Variants in EBF3 observed in about 807,000 individuals in gnomAD.
The protein encoded by EBF3 is EBF transcription factor 3.
In EBF3, 18 loss-of-function variants were observed where a neutral mutation model predicts 77.1. That is an observed-to-expected ratio of 0.23 (90% CI 0.16 to 0.35). EBF3 has a LOEUF of 0.35. Among genes scored for constraint, EBF3 ranks in the 10% least tolerant of loss-of-function variants. The pLI is 1.00. For synonymous variants in EBF3, 350 were observed against 343.5 expected, an observed-to-expected ratio of 1.02 and a Z score of -0.21; for missense variants, 558 against 860.0, an observed-to-expected ratio of 0.65 and a Z score of 4.39.
At chr10:129,850,056 G>A (rs1850753517) in intron 10 of EBF3, among the ~76,000 whole-genome samples, 1 of 152,266 alleles carries the variant, frequency 6.6e-6, no homozygotes, top group Admixed American at 6.5e-5. Context: ...CAGTCGCCCA[G>A]CCTCACCAAG....
rs565981392 is a variant in EBF3 at position 129,954,079 on chromosome 10, T to C, written c.554+3179A>G. 1.2e-4 allele frequency among the ~76,000 whole-genome samples: 18 copies of C among 152,300 alleles called. No individual in the cohort carries two copies. In the South Asian group the frequency reaches 3.7e-3, roughly 32 times the overall value. Reference sequence around the variant, plus strand: ...TTTTCAGCAATACCATTAAAAATCATTTGTGTGTGTATGTACAGAAGGTGT... The same window carrying C: ...TTTTCAGCAATACCATTAAAAATCACTTGTGTGTGTATGTACAGAAGGTGT... On this transcript the variant is annotated intron_variant, in intron 6 of 16. Transcript: ENST00000440978.
intron 6 of EBF3, among the ~76,000 whole-genome samples, chr10:129,950,006 T>TGGAGGGAGGAGGGAGGAGGGA (rs1038964722): frequency 8.5e-5 from 2 of 23,640 alleles, no homozygotes; most frequent in Non-Finnish European, 1.7e-4. Flanking sequence ...GGGTGGAGGG[T>TGGAGGGAGGAGGGAGGAGGGA]GGAGGGAGGA....
chr10:129,883,434 G>A (rs1853346901), intron 6 of EBF3, among the ~76,000 whole-genome samples: 1 of 152,166 alleles, frequency 6.6e-6, no homozygotes. Flanking sequence ...AAAAATGTTG[G>A]TATCTTTTAT....
At position 129,841,986 on chromosome 10, in the gene EBF3, G is replaced by T; in HGVS notation, c.1372+130C>A. ...AAGGTCTTCCTGAGCAAAGGAACCA[G>T]CAGAGCCAGAGAGAACAGAACGCTA... On this transcript the variant is annotated intron_variant, in intron 13 of 16. Transcript: ENST00000440978. The surrounding 1 kb of genome is among the most constrained non-coding windows in gnomAD (Gnocchi z 4.6). The T allele has an allele frequency of 2.5e-6, 3 of 1,214,960 alleles. No homozygotes were observed. Among genetic ancestry groups the T allele is most frequent in the Non-Finnish European group, 1.1e-6 (1 of 876,808 alleles). The allele number at this position is 1,214,960 out of a possible 1,614,324, so 75.3% of individuals were successfully genotyped here.
chr10:129,941,555 C>T lies in EBF3; in HGVS notation c.554+15703G>A, dbSNP rs534297636. Among the ~76,000 whole-genome samples, 227 of 151,994 alleles carry T rather than the reference C, an allele frequency of 1.5e-3. 1 individual carries two copies. Among genetic ancestry groups the T allele is most frequent in the Non-Finnish European group, 2.8e-3 (187 of 67,926 alleles). ...AGAGAGGAGACTCGGCCACAGACTC[C>T]GGGCAGGCCAAAGGGTCAGGGGGGA... On this transcript the variant is annotated intron_variant, in intron 6 of 16. Transcript: ENST00000440978.
chr10:129,935,276 A>T lies in EBF3; in HGVS notation c.554+21982T>A, dbSNP rs1027282700. 6.6e-6 allele frequency among the ~76,000 whole-genome samples: 1 copy of T among 152,062 alleles called. No homozygotes were observed. The highest frequency in any genetic ancestry group is 1.5e-5 in the Non-Finnish European group (1 of 67,990). Reference sequence around the variant, plus strand: ...GGCCCATGGCTGTCCCAGCACCCAGAGTGGAGTTGGGAACCAGGCTTGGAT... The same window carrying T: ...GGCCCATGGCTGTCCCAGCACCCAGTGTGGAGTTGGGAACCAGGCTTGGAT... On this transcript the variant is annotated intron_variant, in intron 6 of 16. Coordinates refer to ENST00000440978, the MANE Select transcript of EBF3 (RefSeq NM_001375380.1). The surrounding 1 kb of genome is among the most constrained non-coding windows in gnomAD (Gnocchi z 4.2).
chr10:129,838,202 T>G (rs1351187006), intron 16 of EBF3, among the ~76,000 whole-genome samples: 1 of 147,742 alleles, frequency 6.8e-6, no homozygotes, highest in Non-Finnish European at 1.5e-5. Context: ...AAAGGCTTCT[T>G]TAAAGGCTTC....
At chr10:129,839,814 A>G (rs866919343) in intron 15 of EBF3, among the ~76,000 whole-genome samples, 11 of 152,234 alleles carry the variant, frequency 7.2e-5, no homozygotes, top group Non-Finnish European at 8.8e-5. Context: ...TGCTTTGTGC[A>G]TAGCAGGCTG....
intron 6 of EBF3, among the ~76,000 whole-genome samples, chr10:129,953,719 A>G (rs1403976731): frequency 6.6e-6 from 1 of 152,088 alleles, no homozygotes; most frequent in African/African-American, 2.4e-5. Flanking sequence ...TGGCCTCCCC[A>G]CTTTGCAACA....
Position 129,963,686 on chromosome 10 carries a change from C to A in EBF3, c.83G>T (p.Arg28Leu). 1 of 1,524,442 alleles carries A rather than the reference C, an allele frequency of 6.6e-7. No individual in the cohort carries two copies. The allele number at this position is 1,524,442 out of a possible 1,614,324, so 94.4% of individuals were successfully genotyped here. ...CACGCCCGCCGTGTGCATCCACGAG[C>A]GCACCGGGTTCATGCCGCTGCCCAG... ...EPLGSGMNPV[R>L]SWMHTAGVVD... The change falls in exon 1 of 17, where the codon CGC becomes CTC. Residue 28 changes from arginine to leucine, a missense_variant. Physicochemically the swap from Arg to Leu is moderately radical, Grantham distance 102. Transcript: ENST00000440978. This position sits in a 1 kb window ranked among gnomAD's most constrained non-coding sequence, Gnocchi z 7.1.
At chr10:129,903,316 C>A (rs1379131889) in intron 6 of EBF3, among the ~76,000 whole-genome samples, 3 of 152,176 alleles carry the variant, frequency 2.0e-5, no homozygotes, top group Non-Finnish European at 4.4e-5. Flanking sequence ...GTTTGGAAGG[C>A]CCTTGGGCAT....
At chr10:129,838,655 G>A (rs751654505) in intron 16 of EBF3, among the ~76,000 whole-genome samples, 20 of 152,334 alleles carry the variant, frequency 1.3e-4, no homozygotes, top group Non-Finnish European at 2.8e-4. Flanking sequence ...TGGGGCTGAC[G>A]CTTTCACATG....
rs751393470 is a variant in EBF3, at chr10:129,877,751, C to G, written c.636+17G>C. Reference sequence around the variant, plus strand: ...AAAGTCAGGACCACGGTCCACGTGTCTTTGAGAAATGTATACCTGGAATCT... The same window carrying G: ...AAAGTCAGGACCACGGTCCACGTGTGTTTGAGAAATGTATACCTGGAATCT... On this transcript the variant is annotated intron_variant, in intron 7 of 16. Coordinates refer to ENST00000440978, the MANE Select transcript of EBF3 (RefSeq NM_001375380.1). 1.5e-5 allele frequency: 24 copies of G among 1,610,280 alleles called. No individual in the cohort carries two copies. The highest frequency in any genetic ancestry group is 2.0e-5 in the Non-Finnish European group (23 of 1,177,658).
intron 6 of EBF3, among the ~76,000 whole-genome samples, chr10:129,892,001 G>T (rs1029578687): frequency 2.0e-5 from 3 of 152,238 alleles, no homozygotes; most frequent in African/African-American, 7.2e-5. Context: ...CAGCCAATCA[G>T]GCTGTTAAGG....
At chr10:129,880,904 C>T (rs777787391) in intron 6 of EBF3, among the ~76,000 whole-genome samples, 9 of 152,156 alleles carry the variant, frequency 5.9e-5, no homozygotes, top group African/African-American at 1.2e-4. Context: ...GAGTTACACA[C>T]GGAGCAAATG....
intron 11 of EBF3, chr10:129,843,469 C>A (rs1032352144): frequency 2.5e-6 from 1 of 405,950 alleles, no homozygotes; most frequent in African/African-American, 2.0e-5. Context: ...CACGGACAAG[C>A]GGGAGGGCCG....
chr10:129,857,280 G>A (rs903743099), intron 10 of EBF3, among the ~76,000 whole-genome samples: 8 of 152,218 alleles, frequency 5.3e-5, no homozygotes, highest in Middle Eastern at 3.4e-3. Flanking sequence ...CTATAAAACC[G>A]TCCTATTTCC....
rs771011260 is a variant in EBF3 at position 129,873,501 on chromosome 10, G to A, written c.732C>T (p.Ala244=). 2.5e-6 allele frequency: 4 copies of A among 1,593,460 alleles called. No homozygotes were observed. In the East Asian group the frequency reaches 9.1e-5, roughly 36 times the overall value. The change falls in exon 8 of 17, where the codon GCC becomes GCT. Residue 244 remains alanine, a synonymous_variant. Coordinates refer to ENST00000440978, the MANE Select transcript of EBF3 (RefSeq NM_001375380.1). ...TACCTTCTGACGGGTCTAGGCGGCG[G>A]GCCCGCCTCCCGTGTTTGGAATTGT... ...VHNNSKHGRR[A]RRLDPSEGTA... is the part of the protein sequence containing the mutation.
chr10:129,952,590 C>T lies in EBF3; in HGVS notation c.554+4668G>A, dbSNP rs1170643763. Among the ~76,000 whole-genome samples, 3 of 152,140 alleles carry T rather than the reference C, an allele frequency of 2.0e-5. No individual in the cohort carries two copies. Among genetic ancestry groups the T allele is most frequent in the Non-Finnish European group, 4.4e-5 (3 of 68,018 alleles). On this transcript the variant is annotated intron_variant, in intron 6 of 16. Transcript: ENST00000440978. The surrounding 1 kb of genome is among the most constrained non-coding windows in gnomAD (Gnocchi z 4.7). ...GCTTCAGCAGAGTTGGATTTAATCA[C>T]GCTCGTGCAAAGCCATGAGGGAGGA...
Sources: gnomAD v4.1 joint callset for allele counts (sites outside exome capture counted in the v4.1 genomes callset) on GRCh38, gnomAD v4.1.1 for gene constraint, Gnocchi (gnomAD v3.1) non-coding constraint, MANE v1.5 for transcripts, NCBI Gene and HGNC (gene_info 2026-07-23, HGNC 2026-07-21) for gene names.